Variants in INSL6 observed in about 807,000 individuals in gnomAD.
The protein encoded by INSL6 is insulin like 6.
INSL6 carries 16 observed loss-of-function variants against 9.4 expected under a neutral mutation model. The observed-to-expected ratio is 1.70, with a 90% CI of 1.15 to 2.59. The LOEUF is 2.59. Among genes scored for constraint, INSL6 ranks in the 30% most tolerant of loss-of-function variants. The pLI is 0.00. For synonymous variants in INSL6, 154 were observed against 96.9 expected (o/e 1.59, Z -3.46); for missense variants, 391 against 257.3 (o/e 1.52, Z -3.56).
the INSL6 span, chr9:5,111,545 C>T: frequency 2.7e-6 from 1 of 369,438 alleles, no homozygotes; most frequent in Non-Finnish European, 5.3e-6. Context: ...CTGTCCCGCC[C>T]CCTTCTACAT....
At chr9:5,044,388 T>G in the INSL6 span, 1 of 1,541,726 alleles carries the variant, frequency 6.5e-7, no homozygotes, top group African/African-American at 1.4e-5. Context: ...ACCAAATGTT[T>G]TTATTATCTT....
chr9:5,019,906 C>A, the INSL6 span, among the ~76,000 whole-genome samples: 1 of 152,180 alleles, frequency 6.6e-6, no homozygotes, highest in African/African-American at 2.4e-5. Flanking sequence ...TGGACTGATC[C>A]TCAGTCCTCA....
chr9:5,081,041 G>A, the INSL6 span, among the ~76,000 whole-genome samples: 524 of 151,066 alleles, frequency 3.5e-3, 1 homozygote, highest in Non-Finnish European at 6.3e-3. Flanking sequence ...GACTACAGGC[G>A]CCCGCCACCA....
chr9:5,037,558 G>C, the INSL6 span, among the ~76,000 whole-genome samples: 3 of 152,156 alleles, frequency 2.0e-5, no homozygotes, highest in Admixed American at 6.5e-5. Flanking sequence ...TCCTTTGTAG[G>C]GACATGGATG....
At chr9:5,033,155 GATGAA>G in the INSL6 span, among the ~76,000 whole-genome samples, 1 of 152,210 alleles carries the variant, frequency 6.6e-6, no homozygotes, top group Non-Finnish European at 1.5e-5. Flanking sequence ...AGAGATGGAA[GATGAA>G]ATGAATGAAA....
At chr9:5,033,895 A>C in the INSL6 span, among the ~76,000 whole-genome samples, 41 of 152,320 alleles carry the variant, frequency 2.7e-4, no homozygotes, top group African/African-American at 9.4e-4. Flanking sequence ...TAACAATATT[A>C]ACCTTAAACG....
the INSL6 span, among the ~76,000 whole-genome samples, chr9:5,014,184 C>T: frequency 0.01 from 986 of 96,092 alleles, no homozygotes; most frequent in Non-Finnish European, 0.012. Flanking sequence ...TTTTTTTTTT[C>T]GTAGAGACAG....
At chr9:5,068,253 A>G in the INSL6 span, among the ~76,000 whole-genome samples, 1 of 152,178 alleles carries the variant, frequency 6.6e-6, no homozygotes, top group African/African-American at 2.4e-5. Flanking sequence ...GATTTTATAT[A>G]AATGTTTCTG....
the INSL6 span, among the ~76,000 whole-genome samples, chr9:5,076,861 C>T: frequency 6.6e-6 from 1 of 152,118 alleles, no homozygotes; most frequent in Non-Finnish European, 1.5e-5. Context: ...ATCTGAGAGG[C>T]TCCTGTGGAC....
At chr9:5,157,236 A>T (rs563462024) in intron 2 of INSL6, among the ~76,000 whole-genome samples, 1 of 152,288 alleles carries the variant, frequency 6.6e-6, no homozygotes, top group African/African-American at 2.4e-5. Context: ...GTTGTAAAAA[A>T]TAGTAAACTG....
chr9:5,155,771 G>C (rs1007455672), intron 2 of INSL6, among the ~76,000 whole-genome samples: 4 of 151,730 alleles, frequency 2.6e-5, no homozygotes, highest in African/African-American at 9.7e-5. Context: ...GCCTGTTTGG[G>C]GGTGGGGGGA....
chr9:5,096,843 G>A, the INSL6 span: 5 of 152,026 alleles, frequency 3.3e-5, no homozygotes, highest in African/African-American at 4.8e-5. Context: ...TATTGTTACC[G>A]CCCACGAATT....
At chr9:5,171,724 A>G (rs1825185474) in intron 1 of INSL6, among the ~76,000 whole-genome samples, 1 of 152,168 alleles carries the variant, frequency 6.6e-6, no homozygotes, top group Admixed American at 6.5e-5. Flanking sequence ...TGAATTATGA[A>G]TGAACTCCTA....
chr9:5,091,909 G>C, the INSL6 span, among the ~76,000 whole-genome samples: 3 of 152,134 alleles, frequency 2.0e-5, no homozygotes, highest in African/African-American at 7.2e-5. Context: ...CTAGGGCTGT[G>C]AGCTTTAGGT....
chr9:5,111,928 C>G, the INSL6 span: 1 of 349,538 alleles, frequency 2.9e-6, no homozygotes, highest in South Asian at 2.2e-5. Flanking sequence ...ATCTACTCTC[C>G]GGATCACTCA....
At chr9:5,106,500 C>G in the INSL6 span, among the ~76,000 whole-genome samples, 1 of 152,174 alleles carries the variant, frequency 6.6e-6, no homozygotes, top group Non-Finnish European at 1.5e-5. Context: ...GGCGACTCCT[C>G]AAGGATCTAG....
chr9:5,101,061 T>A, the INSL6 span: 4 of 152,160 alleles, frequency 2.6e-5, no homozygotes, highest in East Asian at 7.7e-4. Context: ...AGAGGGCAAG[T>A]TGAAGCAGGG....
At chr9:5,052,965 G>A in the INSL6 span, among the ~76,000 whole-genome samples, 9 of 152,116 alleles carry the variant, frequency 5.9e-5, no homozygotes, top group African/African-American at 1.9e-4. Flanking sequence ...AGTTGTATAT[G>A]AGTAATTTTG....
the INSL6 span, among the ~76,000 whole-genome samples, chr9:5,070,941 G>A: frequency 2.0e-5 from 3 of 152,222 alleles, no homozygotes; most frequent in East Asian, 5.8e-4. Flanking sequence ...GTAAAACCAG[G>A]ACACTTAAGT....
Sources: gnomAD v4.1 joint callset for allele counts (sites outside exome capture counted in the v4.1 genomes callset) on GRCh38, gnomAD v4.1.1 for gene constraint, MANE v1.5 for transcripts, NCBI Gene and HGNC (gene_info 2026-07-23, HGNC 2026-07-21) for gene names.